PHF21B: variants seen among roughly 807,000 people sequenced by gnomAD.
The protein encoded by PHF21B is PHD finger protein 4.
PHF21B carries 22 observed loss-of-function variants against 62.2 expected under a neutral mutation model. That is an observed-to-expected ratio of 0.35 (90% CI 0.25 to 0.51). The LOEUF is 0.51. Ranked by LOEUF, PHF21B falls within the 20% of genes least tolerant of loss-of-function variation. The pLI, the probability that PHF21B is intolerant of heterozygous loss-of-function variation, is 0.97. For synonymous variants in PHF21B, 341 were observed against 314.7 expected (o/e 1.08, Z -0.88); for missense variants, 701 against 707.9 (o/e 0.99, Z 0.11).
chr22:44,916,505 G>T lies in PHF21B; in HGVS notation c.339C>A (p.Leu113=), dbSNP rs147300335. Residue 113 remains leucine (L), a synonymous_variant, in exon 4 of 13, where the codon CTC becomes CTA. Coordinates refer to ENST00000313237, the MANE Select transcript of PHF21B (RefSeq NM_138415.5). Reference sequence around the variant, plus strand: ...GGCTGACAGTGTTGTTGGCGGTGGGGAGGGCTGGGCTGGGGTTCTTGACGC... The same window carrying T: ...GGCTGACAGTGTTGTTGGCGGTGGGTAGGGCTGGGCTGGGGTTCTTGACGC... The part of the protein sequence containing the change: ...VVSVKNPSPA[L]PTANNTVSHV... 91 of 1,608,824 alleles carry T rather than the reference G, an allele frequency of 5.7e-5. No individual in the cohort carries two copies. In the African/African-American group the frequency reaches 1.1e-3, roughly 19 times the overall value.
At chr22:45,003,775 G>C (rs541469943) in intron 2 of PHF21B, among the ~76,000 whole-genome samples, 2 of 152,342 alleles carry the variant, frequency 1.3e-5, no homozygotes, top group East Asian at 3.9e-4. Flanking sequence ...CGGTTGGACA[G>C]AATGAGTTCT....
At position 44,891,289 on chromosome 22, in the gene PHF21B, C is replaced by G; in HGVS notation, c.1015+17G>C. The G allele has an allele frequency of 6.2e-7, 1 of 1,613,410 alleles. No individual in the cohort carries two copies. Among genetic ancestry groups the G allele is most frequent in the South Asian group, 1.1e-5 (1 of 90,682 alleles). On this transcript the variant is annotated intron_variant, in intron 8 of 12. Coordinates refer to ENST00000313237, the MANE Select transcript of PHF21B (RefSeq NM_138415.5). The stretch of plus-strand genomic sequence containing the variant: ...GCCCTGAGCAGCTCTGGCAGAAGGC[C>G]TGAAGCCGGTGCTTACCTCTCGCTG...
In PHF21B at chr22:44,923,795, A is replaced by G. The variant is rs1021830149; in HGVS notation, c.121-3305T>C. Among the ~76,000 whole-genome samples the G allele has an allele frequency of 4.6e-5, 7 of 152,234 alleles. No homozygotes were observed. The East Asian group carries it at 1.2e-3, about 25-fold the overall frequency. ...CACTTTGGGAGGTGGAGGTAGGCCA[A>G]TCTCTTGAGGCCAGGAGTTCAAAAC... On this transcript the variant is annotated intron_variant, in intron 2 of 12. Coordinates refer to ENST00000313237, the MANE Select transcript of PHF21B (RefSeq NM_138415.5).
At chr22:44,944,992 CAT>C (rs2072037126) in intron 2 of PHF21B, among the ~76,000 whole-genome samples, 8 of 152,266 alleles carry the variant, frequency 5.3e-5, no homozygotes, top group Admixed American at 5.2e-4. Flanking sequence ...CTTAGGAGCA[CAT>C]GAGATTCCTG....
At chr22:44,889,850 T>C (rs1465636990) in intron 8 of PHF21B, 68 bp from the exon 9 acceptor site, 2 of 1,448,172 alleles carry the variant, frequency 1.4e-6, no homozygotes, top group Non-Finnish European at 1.8e-6. Flanking sequence ...AGGACTGGAG[T>C]CCATGAGGCC....
chr22:44,929,383 T>C (rs1452278265), intron 2 of PHF21B, among the ~76,000 whole-genome samples: 1 of 152,212 alleles, frequency 6.6e-6, no homozygotes, highest in Non-Finnish European at 1.5e-5. Context: ...CCCGCCTTCA[T>C]GAGCCCCAAG....
At chr22:44,893,185 A>T (rs1211253118) in intron 7 of PHF21B, among the ~76,000 whole-genome samples, 1 of 151,876 alleles carries the variant, frequency 6.6e-6, no homozygotes, top group Non-Finnish European at 1.5e-5. Flanking sequence ...AGAGGCAAGA[A>T]GCCGGTGTAC....
chr22:44,992,721 C>T (rs1335807568), intron 2 of PHF21B, among the ~76,000 whole-genome samples: 1 of 152,200 alleles, frequency 6.6e-6, no homozygotes, highest in Non-Finnish European at 1.5e-5. Context: ...AAGCACCCAA[C>T]ACAGAGTAGG....
intron 5 of PHF21B, among the ~76,000 whole-genome samples, chr22:44,906,925 G>A (rs28458949): frequency 0.024 from 3,649 of 152,120 alleles, 144 homozygotes; most frequent in African/African-American, 0.084. Context: ...ACAGTCAGCC[G>A]TGAGACTCAG....
In PHF21B at chr22:44,914,088, G is replaced by A. The variant is rs1242652187; in HGVS notation, c.565C>T (p.Pro189Ser). 1 of 973,416 alleles carries A rather than the reference G, an allele frequency of 1.0e-6. No homozygotes were observed. Among genetic ancestry groups the A allele is most frequent in the Non-Finnish European group, 1.5e-6 (1 of 647,770 alleles). 60.3% of individuals were successfully genotyped at this position (973,416 alleles called of 1,614,324 possible). The change falls in exon 5 of 13, where the codon CCT becomes TCT. Residue 189 changes from proline to serine, a missense_variant and splice_region_variant. Pro to Ser is a moderately conservative substitution (Grantham distance 74, BLOSUM62 -1). Coordinates refer to ENST00000313237, the MANE Select transcript of PHF21B (RefSeq NM_138415.5). ...GGGGAAGAGAGGAGGCGTGGAGGAG[G>A]CTGGAGAGCGAGGGTGAGGGGCACA... ...QPLLISADNK[P>S]PPRLLSSPHP...
At chr22:44,938,765 G>C (rs1275091933) in intron 2 of PHF21B, among the ~76,000 whole-genome samples, 1 of 152,190 alleles carries the variant, frequency 6.6e-6, no homozygotes, top group Non-Finnish European at 1.5e-5. Flanking sequence ...ATCTCTAGGA[G>C]GAGACCCAGG....
rs1342991650 is a variant in PHF21B, at chr22:45,009,557, A to G, written c.-8T>C. 4 of 1,571,874 alleles carry G rather than the reference A, an allele frequency of 2.5e-6. No individual in the cohort carries two copies. The highest frequency in any genetic ancestry group is 1.8e-4 in the Middle Eastern group (1 of 5,602). On this transcript the variant is annotated 5_prime_UTR_variant, in exon 1 of 13. Transcript: ENST00000313237. This position sits in a 1 kb window ranked among gnomAD's most constrained non-coding sequence, Gnocchi z 5.9. ...CCGGCTCTGCAGCTCCATCCCGGCA[A>G]CTTGGGCAGCACTTTGCGCTCACTT...
chr22:44,967,513 G>C (rs778411104), intron 2 of PHF21B, among the ~76,000 whole-genome samples: 1 of 152,160 alleles, frequency 6.6e-6, no homozygotes, highest in Non-Finnish European at 1.5e-5. Flanking sequence ...GAGCCACTGT[G>C]CCCGGCCAGT....
intron 5 of PHF21B, among the ~76,000 whole-genome samples, chr22:44,911,064 G>A (rs1249439947): frequency 2.6e-5 from 4 of 152,218 alleles, no homozygotes; most frequent in Non-Finnish European, 5.9e-5. Flanking sequence ...GAGACTGGCG[G>A]CATTTTGCCT....
At chr22:44,946,139 A>G (rs1434386955) in intron 2 of PHF21B, among the ~76,000 whole-genome samples, 1 of 147,014 alleles carries the variant, frequency 6.8e-6, no homozygotes, top group African/African-American at 2.7e-5. Context: ...TGCTGGAGCC[A>G]GAGTGGTCAC....
intron 2 of PHF21B, among the ~76,000 whole-genome samples, chr22:44,939,709 G>C (rs893523827): frequency 6.6e-6 from 1 of 152,208 alleles, no homozygotes; most frequent in South Asian, 2.1e-4. Flanking sequence ...AGCAGGGCTA[G>C]GGAGGGGCGA....
chr22:44,891,562 C>T (rs1308591519), intron 7 of PHF21B, among the ~76,000 whole-genome samples: 2 of 151,774 alleles, frequency 1.3e-5, no homozygotes, highest in African/African-American at 2.4e-5. Context: ...TGGGGCGGGG[C>T]GGGGCAGGGA....
intron 2 of PHF21B, among the ~76,000 whole-genome samples, chr22:44,957,109 G>A (rs186252565): frequency 6.6e-6 from 1 of 152,102 alleles, no homozygotes; most frequent in African/African-American, 2.4e-5. Flanking sequence ...TCCTCCCTCT[G>A]AGCTCACAGC....
chr22:44,900,765 T>C (rs947140180), intron 5 of PHF21B, among the ~76,000 whole-genome samples: 3 of 150,664 alleles, frequency 2.0e-5, no homozygotes, highest in African/African-American at 7.4e-5. Flanking sequence ...GCTTAACTGC[T>C]TTCCCTCTAA....
Sources: allele counts gnomAD v4.1 joint callset (sites outside exome capture counted in the v4.1 genomes callset), GRCh38; gene constraint gnomAD v4.1.1; non-coding constraint Gnocchi (gnomAD v3.1); transcripts MANE v1.5; gene names NCBI Gene and HGNC (gene_info 2026-07-23, HGNC 2026-07-21).